Variants in KLHL1 observed in about 807,000 individuals in gnomAD.
KLHL1 encodes the protein kelch like family member 1, also known as kelch-like protein 1.
Under a neutral mutation model 77.7 loss-of-function variants are expected in KLHL1, and 47 were observed. The observed-to-expected ratio is 0.60, with a 90% CI of 0.48 to 0.77. KLHL1 has a LOEUF of 0.77. Ranked by LOEUF, KLHL1 falls within the 30% of genes least tolerant of loss-of-function variation. KLHL1 has a pLI of 0.00. For missense variants in KLHL1, 925 were observed against 910.8 expected (o/e 1.02, Z -0.20); for synonymous variants, 360 against 325.2 (o/e 1.11, Z -1.15).
At chr13:69,881,426 T>C (rs1880984058) in intron 5 of KLHL1, among the ~76,000 whole-genome samples, 1 of 152,186 alleles carries the variant, frequency 6.6e-6, no homozygotes, top group African/African-American at 2.4e-5. Flanking sequence ...ATGAGGAATC[T>C]GGTGAATGAG....
intron 1 of KLHL1, among the ~76,000 whole-genome samples, chr13:70,101,831 C>T (rs1028166435): frequency 2.0e-5 from 3 of 151,878 alleles, no homozygotes; most frequent in African/African-American, 7.2e-5. Context: ...CACCATGTAA[C>T]GTTTATAAAT....
intron 3 of KLHL1, among the ~76,000 whole-genome samples, chr13:69,944,360 A>T (rs1230561570): frequency 2.0e-5 from 3 of 152,016 alleles, no homozygotes; most frequent in Non-Finnish European, 4.4e-5. Flanking sequence ...CTGGAAGGGA[A>T]CCCTTGGAAG....
chr13:69,908,756 GATAA>G (rs1291942722), intron 4 of KLHL1, among the ~76,000 whole-genome samples: 2 of 150,954 alleles, frequency 1.3e-5, no homozygotes, highest in African/African-American at 2.4e-5. Context: ...TGTCTCCTTT[GATAA>G]ATAAAGGCTG....
intron 6 of KLHL1, among the ~76,000 whole-genome samples, chr13:69,815,075 A>G (rs1341102984): frequency 6.6e-6 from 1 of 152,202 alleles, no homozygotes; most frequent in Non-Finnish European, 1.5e-5. Context: ...AAGATTATGA[A>G]GAGAAGGGAA....
intron 1 of KLHL1, among the ~76,000 whole-genome samples, chr13:70,061,568 T>G (rs1886886991): frequency 6.6e-6 from 1 of 152,096 alleles, no homozygotes; most frequent in Admixed American, 6.6e-5. Flanking sequence ...TAGCCTTAAG[T>G]CAGATTTTCT....
chr13:70,099,358 G>A (rs1320905151), intron 1 of KLHL1, among the ~76,000 whole-genome samples: 2 of 151,540 alleles, frequency 1.3e-5, no homozygotes, highest in African/African-American at 4.8e-5. Context: ...TGGCAATGAA[G>A]ATAAAAGAAA....
chr13:69,938,187 G>T (rs908086216), intron 4 of KLHL1, among the ~76,000 whole-genome samples: 9 of 151,880 alleles, frequency 5.9e-5, no homozygotes, highest in African/African-American at 2.2e-4. Context: ...GGAACTGAAG[G>T]GACAATATAG....
chr13:69,778,918 C>T (rs1404890794), intron 7 of KLHL1, among the ~76,000 whole-genome samples: 2 of 150,940 alleles, frequency 1.3e-5, no homozygotes, highest in Non-Finnish European at 3.0e-5. Flanking sequence ...CCTGCCTCAG[C>T]CTCCCGAGTA....
intron 1 of KLHL1, among the ~76,000 whole-genome samples, chr13:70,022,130 C>G (rs2439605): frequency 0.98 from 149,546 of 152,138 alleles, 73,524 homozygotes; most frequent in East Asian, 1. Flanking sequence ...GTAGACCTGT[C>G]ATTCATTATC....
intron 4 of KLHL1, among the ~76,000 whole-genome samples, chr13:69,890,513 AG>A (rs945656875): frequency 5.1e-4 from 78 of 152,178 alleles, no homozygotes; most frequent in African/African-American, 1.7e-3. Context: ...TAGCTCTATT[AG>A]AAAATTGTCC....
rs1877122566 is a variant in KLHL1 at position 69,796,734 on chromosome 13, T to C, written c.1639+4A>G. 2 of 1,597,164 alleles carry C rather than the reference T, an allele frequency of 1.3e-6. No homozygotes were observed. The highest frequency in any genetic ancestry group is 1.7e-6 in the Non-Finnish European group (2 of 1,164,902). On this transcript the variant is annotated splice_donor_region_variant and intron_variant, in intron 7 of 10. Transcript: ENST00000377844. ...AAAGTAATATCAATAAAGTAAGATC[T>C]TACCTAGACCATGTCTGTGTGTTGA...
At chr13:69,764,428 A>G (rs1402583972) in intron 7 of KLHL1, among the ~76,000 whole-genome samples, 1 of 152,162 alleles carries the variant, frequency 6.6e-6, no homozygotes, top group Non-Finnish European at 1.5e-5. Context: ...TCTTTATTCA[A>G]TTAAACTCTT....
At position 69,956,116 on chromosome 13, in the gene KLHL1, A is replaced by ATATATTTGATATATATGATATATATATT. The variant is rs1555285255; in HGVS notation, c.817+5191_817+5192insAATATATATATCATATATATCAAATATA. On this transcript the variant is annotated intron_variant, in intron 3 of 10. Transcript: ENST00000377844. Reference sequence around the variant, plus strand: ...TATTTGATATATATATTTATATTTGATATATATATTTGATATATATGATAT... The same window carrying ATATATTTGATATATATGATATATATATT: ...TATTTGATATATATATTTATATTTGATATATTTGATATATATGATATATATATTTATATATATTTGATATATATGATAT... Among the ~76,000 whole-genome samples, 725 of 127,940 alleles carry ATATATTTGATATATATGATATATATATT rather than the reference A, an allele frequency of 5.7e-3. 9 individuals carry two copies. The highest frequency in any genetic ancestry group is 0.023 in the African/African-American group (703 of 31,152). 83.9% of individuals were successfully genotyped at this position (127,940 alleles called of 152,430 possible). A position where few individuals can be genotyped will look rare whatever the true frequency, so the allele number is the denominator to read the frequency against.
intron 1 of KLHL1, among the ~76,000 whole-genome samples, chr13:69,997,865 T>C (rs970456847): frequency 6.6e-6 from 1 of 150,986 alleles, no homozygotes; most frequent in Non-Finnish European, 1.5e-5. Flanking sequence ...TCAATAGATA[T>C]TTAGGTGTTT....
intron 8 of KLHL1, among the ~76,000 whole-genome samples, chr13:69,726,769 T>G (rs2137906929): frequency 6.6e-6 from 1 of 152,310 alleles, no homozygotes; most frequent in Non-Finnish European, 1.5e-5. Context: ...GTGTTTCCTC[T>G]GCTCCAACTC....
At chr13:70,017,969 C>T (rs372130838) in intron 1 of KLHL1, among the ~76,000 whole-genome samples, 13 of 152,014 alleles carry the variant, frequency 8.6e-5, no homozygotes, top group East Asian at 1.9e-4. Flanking sequence ...TGAAAATAAG[C>T]GCTAATCTCC....
Position 69,882,457 on chromosome 13 carries a change from T to C in KLHL1, c.1053A>G (p.Leu351=). ...IMEVIRNQEF[L]LLPAEELHKL... ...TATGGAGCTCCTCAGCTGGAAGGAG[T>C]AAAAACTCTTGATTTCTGATAACTT... Residue 351 remains leucine, a synonymous_variant, in exon 5 of 11, where the codon TTA becomes TTG. Transcript: ENST00000377844. The C allele has an allele frequency of 6.2e-7, 1 of 1,613,044 alleles. No individual in the cohort carries two copies. The highest frequency in any genetic ancestry group is 8.5e-7 in the Non-Finnish European group (1 of 1,179,158).
intron 4 of KLHL1, among the ~76,000 whole-genome samples, chr13:69,893,766 G>T (rs1386725081): frequency 2.0e-5 from 3 of 152,146 alleles, no homozygotes; most frequent in African/African-American, 4.8e-5. Flanking sequence ...ATCCTGGATG[G>T]TCTCAATTCT....
At chr13:69,854,498 T>C (rs546338685) in intron 5 of KLHL1, among the ~76,000 whole-genome samples, 74 of 151,968 alleles carry the variant, frequency 4.9e-4, no homozygotes, top group Non-Finnish European at 9.7e-4. Context: ...TTGGTTACCA[T>C]GAAGTTTGGA....
Sources: allele counts gnomAD v4.1 joint callset (sites outside exome capture counted in the v4.1 genomes callset), GRCh38; gene constraint gnomAD v4.1.1; transcripts MANE v1.5; gene names NCBI Gene and HGNC (gene_info 2026-07-23, HGNC 2026-07-21).